HS3ST4: variants seen among roughly 807,000 people sequenced by gnomAD.
The protein encoded by HS3ST4 is heparan sulfate glucosamine 3-O-sulfotransferase 4.
HS3ST4 carries 17 observed loss-of-function variants against 29.2 expected under a neutral mutation model. The ratio of observed to expected loss-of-function variants is 0.58; its 90% CI spans 0.40 to 0.87. The LOEUF (loss-of-function observed/expected upper bound fraction) is 0.87. Ranked by LOEUF, HS3ST4 falls within the 40% of genes least tolerant of loss-of-function variation. The pLI is 0.00. For missense variants in HS3ST4, 627 were observed against 634.5 expected (o/e 0.99, Z 0.13); for synonymous variants, 314 against 285.7 (o/e 1.10, Z -1.00).
At chr16:25,832,373 C>T (rs903436009) in intron 1 of HS3ST4, among the ~76,000 whole-genome samples, 18 of 152,168 alleles carry the variant, frequency 1.2e-4, no homozygotes, top group African/African-American at 4.3e-4. Flanking sequence ...GAGGCTAGGG[C>T]CCCACTGGCT....
intron 1 of HS3ST4, among the ~76,000 whole-genome samples, chr16:25,831,857 G>A (rs1449887587): frequency 6.6e-6 from 1 of 151,878 alleles, no homozygotes; most frequent in Admixed American, 6.6e-5. Context: ...TATAATCCCG[G>A]CCCTTTGAGA....
intron 1 of HS3ST4, among the ~76,000 whole-genome samples, chr16:25,858,975 C>A (rs904575255): frequency 6.6e-6 from 1 of 152,048 alleles, no homozygotes; most frequent in African/African-American, 2.4e-5. Context: ...GGAACTCAAA[C>A]CTACTCTTTC....
chr16:25,857,171 G>T (rs1281566508), intron 1 of HS3ST4, among the ~76,000 whole-genome samples: 1 of 152,130 alleles, frequency 6.6e-6, no homozygotes, highest in Non-Finnish European at 1.5e-5. Context: ...TCTTTTAAAT[G>T]ATAATTTGTC....
At chr16:25,946,567 C>G (rs1366533879) in intron 1 of HS3ST4, among the ~76,000 whole-genome samples, 1 of 152,184 alleles carries the variant, frequency 6.6e-6, no homozygotes, top group African/African-American at 2.4e-5. Context: ...TGTGCAAATG[C>G]TGTGGATACA....
chr16:25,873,654 G>GTCCATCCA lies in HS3ST4; in HGVS notation c.734+180506_734+180507insATCCATCC, dbSNP rs1331079188. ...CATCCATTCATCCATCCATCCATCC[G>GTCCATCCA]TCCGTCCATCCATCCATCCATCCAT... On this transcript the variant is annotated intron_variant, in intron 1 of 1. Coordinates refer to ENST00000331351, the MANE Select transcript of HS3ST4 (RefSeq NM_006040.3). Among the ~76,000 whole-genome samples, 106 of 32,980 alleles carry GTCCATCCA rather than the reference G, an allele frequency of 3.2e-3. 1 individual carries two copies. Among genetic ancestry groups the GTCCATCCA allele is most frequent in the African/African-American group, 0.012 (104 of 8,734 alleles). 21.6% of individuals were successfully genotyped at this position (32,980 alleles called of 152,430 possible). A position where few individuals can be genotyped will look rare whatever the true frequency, so the allele number is the denominator to read the frequency against.
intron 1 of HS3ST4, among the ~76,000 whole-genome samples, chr16:25,790,512 T>C (rs1471890240): frequency 1.3e-5 from 2 of 152,240 alleles, no homozygotes; most frequent in African/African-American, 2.4e-5. Context: ...CCATCAGCAA[T>C]GTTTGTGAGT....
At chr16:25,732,828 A>G (rs542252974) in intron 1 of HS3ST4, among the ~76,000 whole-genome samples, 40 of 152,324 alleles carry the variant, frequency 2.6e-4, no homozygotes, top group African/African-American at 8.9e-4. Context: ...GACTTCGGAC[A>G]TGTCGCCCAA....
chr16:25,843,234 T>C (rs1431286389), intron 1 of HS3ST4, among the ~76,000 whole-genome samples: 1 of 152,082 alleles, frequency 6.6e-6, no homozygotes, highest in Non-Finnish European at 1.5e-5. Context: ...CTGAAGCGGT[T>C]CTGCCTGGGT....
intron 1 of HS3ST4, among the ~76,000 whole-genome samples, chr16:25,929,757 G>C (rs1968445039): frequency 1.3e-5 from 2 of 152,036 alleles, no homozygotes; most frequent in African/African-American, 2.4e-5. Context: ...CTGAGAAGAA[G>C]GCAAAAACGT....
At chr16:25,878,013 GA>G (rs1290438123) in intron 1 of HS3ST4, among the ~76,000 whole-genome samples, 1 of 152,078 alleles carries the variant, frequency 6.6e-6, no homozygotes, top group Non-Finnish European at 1.5e-5. Context: ...TCTGTGGAAG[GA>G]ATCTGTCTTC....
chr16:25,857,931 T>C (rs571222890), intron 1 of HS3ST4, among the ~76,000 whole-genome samples: 701 of 51,844 alleles, frequency 0.014, 5 homozygotes, highest in African/African-American at 0.053. Context: ...TTTCTTTCTT[T>C]CTTTCTTTCT....
At chr16:25,781,373 C>T (rs1254669763) in intron 1 of HS3ST4, among the ~76,000 whole-genome samples, 1 of 152,138 alleles carries the variant, frequency 6.6e-6, no homozygotes, top group Non-Finnish European at 1.5e-5. Flanking sequence ...CTCTTGAGGG[C>T]AGTAATTGCA....
intron 1 of HS3ST4, among the ~76,000 whole-genome samples, chr16:25,944,502 G>A (rs540870622): frequency 1.3e-5 from 2 of 152,342 alleles, no homozygotes; most frequent in South Asian, 4.1e-4. Context: ...CAATTTTAAT[G>A]TTTGTTAATG....
intron 1 of HS3ST4, among the ~76,000 whole-genome samples, chr16:25,785,509 G>A (rs887370384): frequency 1.3e-5 from 2 of 152,196 alleles, no homozygotes; most frequent in Admixed American, 6.5e-5. Context: ...AAATGATCTA[G>A]TAGTCATGGA....
At chr16:26,097,531 T>C (rs1300055615) in intron 1 of HS3ST4, among the ~76,000 whole-genome samples, 2 of 152,244 alleles carry the variant, frequency 1.3e-5, no homozygotes, top group African/African-American at 2.4e-5. Context: ...GCTAGCCATA[T>C]GTAGAAAGCT....
intron 1 of HS3ST4, among the ~76,000 whole-genome samples, chr16:25,744,921 A>G (rs7194561): frequency 0.36 from 55,146 of 151,940 alleles, 10,583 homozygotes; most frequent in East Asian, 0.63. Context: ...ATCCAATTAA[A>G]CCACTTTCCT....
At chr16:26,041,859 T>C (rs1013277245) in intron 1 of HS3ST4, among the ~76,000 whole-genome samples, 10 of 152,186 alleles carry the variant, frequency 6.6e-5, no homozygotes, top group African/African-American at 1.7e-4. Context: ...TCTGATCACA[T>C]TAAGCATCAT....
At chr16:25,937,336 C>G (rs886280796) in intron 1 of HS3ST4, among the ~76,000 whole-genome samples, 2 of 152,272 alleles carry the variant, frequency 1.3e-5, no homozygotes, top group Non-Finnish European at 2.9e-5. Context: ...CCAAGTTGAA[C>G]TTGAAATCTT....
intron 1 of HS3ST4, among the ~76,000 whole-genome samples, chr16:25,829,393 T>C (rs548857306): frequency 6.6e-6 from 1 of 152,346 alleles, no homozygotes; most frequent in African/African-American, 2.4e-5. Flanking sequence ...GTATTTAAAA[T>C]ACACTATTTC....
Sources: gnomAD v4.1 joint callset for allele counts (sites outside exome capture counted in the v4.1 genomes callset) on GRCh38, gnomAD v4.1.1 for gene constraint, MANE v1.5 for transcripts, NCBI Gene and HGNC (gene_info 2026-07-23, HGNC 2026-07-21) for gene names.